Variants in SFMBT2 observed in about 807,000 individuals in gnomAD.
The protein encoded by SFMBT2 is Scm like with four mbt domains 2.
A neutral mutation model predicts 110.1 loss-of-function variants in SFMBT2; 38 were observed. The observed-to-expected ratio is 0.35, with a 90% confidence interval of 0.27 to 0.45. The LOEUF (loss-of-function observed/expected upper bound fraction) is 0.45, where lower values mean the gene tolerates loss of function less well. SFMBT2 is among the 20% of genes least tolerant of loss of function. The pLI is 1.00. For missense variants in SFMBT2, 1,011 were observed against 1,094.9 expected (o/e 0.92, Z 1.08); for synonymous variants, 425 against 425.4 (o/e 1.00, Z 0.01).
chr10:7,393,498 A>AT (rs149573564), intron 1 of SFMBT2, among the ~76,000 whole-genome samples: 3,927 of 152,254 alleles, frequency 0.026, 90 homozygotes, highest in Non-Finnish European at 0.038. Flanking sequence ...GACAGCAGTG[A>AT]TTTTTTGCAG....
At chr10:7,326,591 G>A (rs768659043) in intron 4 of SFMBT2, among the ~76,000 whole-genome samples, 1 of 152,192 alleles carries the variant, frequency 6.6e-6, no homozygotes, top group Non-Finnish European at 1.5e-5. Context: ...AAGATTATCA[G>A]TAATACAAAT....
intron 1 of SFMBT2, among the ~76,000 whole-genome samples, chr10:7,389,111 T>C (rs1205684016): frequency 6.6e-6 from 1 of 152,202 alleles, no homozygotes; most frequent in Non-Finnish European, 1.5e-5. Context: ...TTACTTCACT[T>C]TCCACAGCAA....
intron 20 of SFMBT2, among the ~76,000 whole-genome samples, chr10:7,164,791 A>ACACACACACACACACC (rs773552968): frequency 9.9e-5 from 11 of 110,724 alleles, no homozygotes; most frequent in African/African-American, 3.3e-4. Flanking sequence ...ACACACACAC[A>ACACACACACACACACC]CCATTTACAG....
At chr10:7,330,118 G>A (rs995762825) in intron 4 of SFMBT2, among the ~76,000 whole-genome samples, 2 of 152,134 alleles carry the variant, frequency 1.3e-5, no homozygotes, top group Non-Finnish European at 2.9e-5. Flanking sequence ...CAAAGATTGG[G>A]TTGTAAACGT....
At chr10:7,249,448 C>A in intron 7 of SFMBT2, 3 of 909,316 alleles carry the variant, frequency 3.3e-6, no homozygotes, top group Non-Finnish European at 3.9e-6. Context: ...CCTCATAACT[C>A]ACAGTCTGGA....
chr10:7,231,472 C>T (rs1023765797), intron 9 of SFMBT2, among the ~76,000 whole-genome samples: 2 of 152,242 alleles, frequency 1.3e-5, no homozygotes, highest in African/African-American at 2.4e-5. Context: ...TGGAAGTCAC[C>T]GCTATTCCCT....
At chr10:7,284,305 G>A (rs1842027801) in intron 5 of SFMBT2, 155 bp from the exon 6 acceptor site, 2 of 1,024,238 alleles carry the variant, frequency 2.0e-6, no homozygotes, top group Non-Finnish European at 2.8e-6. Context: ...CCCAGCCCAT[G>A]CCCCACCCCT....
At chr10:7,179,718 G>C (rs560026010) in intron 16 of SFMBT2, among the ~76,000 whole-genome samples, 1 of 152,232 alleles carries the variant, frequency 6.6e-6, no homozygotes, top group South Asian at 2.1e-4. Flanking sequence ...TCCAGGTGAC[G>C]AAGCACACAC....
chr10:7,320,695 A>G, intron 4 of SFMBT2: 1 of 830,102 alleles, frequency 1.2e-6, no homozygotes, highest in Non-Finnish European at 1.5e-6. Flanking sequence ...GTAAAGTTTA[A>G]AGAGTCTAAC....
intron 20 of SFMBT2, among the ~76,000 whole-genome samples, chr10:7,164,791 A>ACACACACACACC (rs773552968): frequency 7.7e-4 from 85 of 110,712 alleles, no homozygotes; most frequent in African/African-American, 2.4e-3. Flanking sequence ...ACACACACAC[A>ACACACACACACC]CCATTTACAG....
chr10:7,170,835 C>T lies in SFMBT2; in HGVS notation c.2544+93G>A. 6.7e-7 allele frequency: 1 copy of T among 1,488,144 alleles called. No homozygotes were observed. The highest frequency in any genetic ancestry group is 9.3e-7 in the Non-Finnish European group (1 of 1,079,318). The allele number at this position is 1,488,144 out of a possible 1,614,324, so 92.2% of individuals were successfully genotyped here. ...CGAGCAGCGCCGAAGAACCCCCTCG[C>T]AGGTGTCACGAGGAAGCCGGCTAGG... On this transcript the variant is annotated intron_variant, in intron 20 of 20. Coordinates refer to ENST00000397167, the MANE Select transcript of SFMBT2 (RefSeq NM_001387889.1). The surrounding 1 kb of genome is among the most constrained non-coding windows in gnomAD (Gnocchi z 4.6).
chr10:7,267,254 C>A (rs1350892246), intron 7 of SFMBT2, among the ~76,000 whole-genome samples: 1 of 152,200 alleles, frequency 6.6e-6, no homozygotes, highest in Non-Finnish European at 1.5e-5. Flanking sequence ...CTGGACTTCA[C>A]CCCATTGCTG....
chr10:7,276,036 G>A (rs1382063387), intron 7 of SFMBT2, among the ~76,000 whole-genome samples: 1 of 152,232 alleles, frequency 6.6e-6, no homozygotes, highest in Non-Finnish European at 1.5e-5. Flanking sequence ...CCTGTTTTAT[G>A]ATTTCCTTGG....
At chr10:7,291,903 T>C (rs1842272908) in intron 4 of SFMBT2, among the ~76,000 whole-genome samples, 1 of 152,102 alleles carries the variant, frequency 6.6e-6, no homozygotes, top group South Asian at 2.1e-4. Context: ...AACCCTGTGA[T>C]TTTCAGCCCC....
intron 5 of SFMBT2, 129 bp from the exon 6 acceptor site, chr10:7,284,279 C>G: frequency 6.8e-7 from 1 of 1,478,034 alleles, no homozygotes; most frequent in Non-Finnish European, 8.9e-7. Flanking sequence ...CTGGCGTTCC[C>G]TCCACCCCAT....
intron 9 of SFMBT2, among the ~76,000 whole-genome samples, chr10:7,229,733 T>C (rs2131680222): frequency 6.6e-6 from 1 of 151,636 alleles, no homozygotes; most frequent in Admixed American, 6.6e-5. Context: ...TGTTGTTTTT[T>C]TTTTTGTGAT....
rs906332387 is a variant in SFMBT2, at chr10:7,287,311, C to G, written c.437-1357G>C. ...AGCCAAGATGGTCTCGATCTCCTGA[C>G]CTCGTGATCCACCCGCCTCGGCCTC... On this transcript the variant is annotated intron_variant, in intron 4 of 20. Coordinates refer to ENST00000397167, the MANE Select transcript of SFMBT2 (RefSeq NM_001387889.1). 1.8e-5 allele frequency: 3 copies of G among 168,950 alleles called. No homozygotes were observed. The Admixed American group carries it at 2.0e-4, about 11-fold the overall frequency. The allele number at this position is 168,950 out of a possible 1,614,324, so 10.5% of individuals were successfully genotyped here. A position where few individuals can be genotyped will look rare whatever the true frequency, so the allele number is the denominator to read the frequency against.
intron 1 of SFMBT2, among the ~76,000 whole-genome samples, chr10:7,400,263 T>C (rs1186013912): frequency 2.6e-5 from 4 of 152,324 alleles, no homozygotes; most frequent in Admixed American, 2.6e-4. Flanking sequence ...TTCTGCACTT[T>C]CCAGCTCTCT....
intron 15 of SFMBT2, among the ~76,000 whole-genome samples, chr10:7,195,654 C>G (rs989979893): frequency 6.6e-6 from 1 of 152,176 alleles, no homozygotes; most frequent in Non-Finnish European, 1.5e-5. Flanking sequence ...TTCCCTCCTT[C>G]ATCACCCGCA....
Sources: allele counts gnomAD v4.1 joint callset (sites outside exome capture counted in the v4.1 genomes callset), GRCh38; gene constraint gnomAD v4.1.1; non-coding constraint Gnocchi (gnomAD v3.1); transcripts MANE v1.5; gene names NCBI Gene and HGNC (gene_info 2026-07-23, HGNC 2026-07-21).